IL20RB: variants seen among roughly 807,000 people sequenced by gnomAD.
The protein encoded by IL20RB is interleukin-20 receptor subunit beta.
A neutral mutation model predicts 33.3 loss-of-function variants in IL20RB; 21 were observed. The observed-to-expected ratio is 0.63, with a 90% CI of 0.45 to 0.91. The LOEUF is 0.91. IL20RB is among the 40% of genes least tolerant of loss of function. The pLI is 0.00. For synonymous variants in IL20RB, 147 were observed against 146.8 expected (o/e 1.00, Z -0.01); for missense variants, 345 against 384.8 (o/e 0.90, Z 0.86).
rs372326423 is a variant in IL20RB at position 137,010,236 on chromosome 3, G to T, written c.*13G>T. The T allele has an allele frequency of 2.7e-4, 357 of 1,308,558 alleles. 6 individuals are homozygous for T. In the South Asian group the frequency reaches 4.1e-3, roughly 15 times the overall value. The allele number at this position is 1,308,558 out of a possible 1,614,324, so 81.1% of individuals were successfully genotyped here. On this transcript the variant is annotated 3_prime_UTR_variant, in exon 7 of 7. Transcript: ENST00000329582. ...CTGGATCTCATAGGTTTGCGGAAGG[G>T]CCCAGGTGAAGCCGAGAACCTGGTC... is the stretch of plus-strand genomic sequence containing the variant.
chr3:136,980,536 G>A lies in IL20RB; in HGVS notation c.159G>A (p.Met53Ile), dbSNP rs1941744391. ...CAACCAACATGAAGCATCTCTTGAT[G>A]TGGAGCCCAGTGATCGCGCCTGGAG... ...VLSTNMKHLLMWSPVIAPGET... is the reference protein window; with the variant it reads ...VLSTNMKHLLIWSPVIAPGET... The change falls in exon 2 of 7, where the codon ATG becomes ATA. Residue 53 changes from methionine (M) to isoleucine (I), a missense_variant. By Grantham distance (10) the Met-to-Ile change is conservative. Transcript: ENST00000329582. 3.1e-6 allele frequency: 5 copies of A among 1,614,206 alleles called. No individual in the cohort carries two copies. The highest frequency in any genetic ancestry group is 4.2e-6 in the Non-Finnish European group (5 of 1,180,040).
chr3:136,969,661 G>A (rs1217723086), intron 1 of IL20RB, among the ~76,000 whole-genome samples: 5 of 151,874 alleles, frequency 3.3e-5, no homozygotes, highest in Non-Finnish European at 2.9e-5. Context: ...CGTCTTCTGC[G>A]TCGCTCACGC....
chr3:137,010,229 C>G lies in IL20RB; in HGVS notation c.*6C>G. 7.3e-7 allele frequency: 1 copy of G among 1,378,264 alleles called. No individual in the cohort carries two copies. The highest frequency in any genetic ancestry group is 1.2e-5 in the South Asian group (1 of 86,184). The allele number at this position is 1,378,264 out of a possible 1,614,324, so 85.4% of individuals were successfully genotyped here. ...TCAGGGCCTGGATCTCATAGGTTTG[C>G]GGAAGGGCCCAGGTGAAGCCGAGAA... On this transcript the variant is annotated 3_prime_UTR_variant, in exon 7 of 7. Coordinates refer to ENST00000329582, the MANE Select transcript of IL20RB (RefSeq NM_144717.4).
intron 6 of IL20RB, among the ~76,000 whole-genome samples, chr3:137,006,717 C>A (rs1412001702): frequency 6.6e-6 from 1 of 152,180 alleles, no homozygotes; most frequent in South Asian, 2.1e-4. Flanking sequence ...GTTCCAACAT[C>A]CTCCTTTAGC....
intron 1 of IL20RB, among the ~76,000 whole-genome samples, chr3:136,976,860 C>T (rs1941630846): frequency 6.6e-6 from 1 of 152,162 alleles, no homozygotes. Flanking sequence ...AATTTTGTCC[C>T]CCAATCTACT....
At chr3:136,978,864 G>A (rs1158456030) in intron 1 of IL20RB, among the ~76,000 whole-genome samples, 1 of 152,062 alleles carries the variant, frequency 6.6e-6, no homozygotes, top group African/African-American at 2.4e-5. Flanking sequence ...ATCTTTAAAT[G>A]TTTGGTAGAA....
At chr3:137,006,236 A>G (rs1942347384) in intron 6 of IL20RB, among the ~76,000 whole-genome samples, 1 of 133,126 alleles carries the variant, frequency 7.5e-6, no homozygotes, top group Non-Finnish European at 1.8e-5. Context: ...TCTGACAATT[A>G]TGTGTCTTGG....
intron 1 of IL20RB, among the ~76,000 whole-genome samples, chr3:136,967,404 G>T (rs1941381152): frequency 1.7e-5 from 1 of 59,530 alleles, no homozygotes; most frequent in East Asian, 6.7e-4. Flanking sequence ...TAAATATTTA[G>T]GATAGTTAGC....
chr3:136,962,174 T>G (rs796116359), intron 1 of IL20RB, among the ~76,000 whole-genome samples: 43 of 152,174 alleles, frequency 2.8e-4, no homozygotes, highest in African/African-American at 9.6e-4. Flanking sequence ...ATGTTAAAAT[T>G]AATAGGTGAA....
At chr3:136,980,706 C>A in intron 2 of IL20RB, 114 bp downstream of exon 2, 1 of 1,015,440 alleles carries the variant, frequency 9.8e-7, no homozygotes, top group Non-Finnish European at 1.5e-6. Flanking sequence ...AGATTATCCC[C>A]AAAGATCTAC....
chr3:136,996,207 G>A (rs1258891447), intron 6 of IL20RB, among the ~76,000 whole-genome samples: 2 of 152,034 alleles, frequency 1.3e-5, no homozygotes, highest in Non-Finnish European at 2.9e-5. Flanking sequence ...TAGGACCCAT[G>A]CACCCATGCA....
At chr3:136,962,373 G>T (rs759784866) in intron 1 of IL20RB, among the ~76,000 whole-genome samples, 1 of 152,158 alleles carries the variant, frequency 6.6e-6, no homozygotes, top group African/African-American at 2.4e-5. Flanking sequence ...TGGAAAAAAT[G>T]TGTAACCTCA....
Position 137,010,400 on chromosome 3 carries a change from C to T in IL20RB, c.*177C>T. The T allele has an allele frequency of 1.8e-6, 1 of 556,468 alleles. No individual in the cohort carries two copies. Among genetic ancestry groups the T allele is most frequent in the South Asian group, 2.4e-5 (1 of 40,914 alleles). The allele number at this position is 556,468 out of a possible 1,614,324, so 34.5% of individuals were successfully genotyped here. Reference sequence around the variant, plus strand: ...AGGCAGGGTGGTTTGTCTAACAGAACACTGACTGAGGCTTAGGGGATGTGA... The same window carrying T: ...AGGCAGGGTGGTTTGTCTAACAGAATACTGACTGAGGCTTAGGGGATGTGA... On this transcript the variant is annotated 3_prime_UTR_variant, in exon 7 of 7. Transcript: ENST00000329582.
At chr3:136,980,416 T>G (rs780787132) in intron 1 of IL20RB, 50 bp from the exon 2 acceptor site, 1 of 1,613,130 alleles carries the variant, frequency 6.2e-7, no homozygotes, top group East Asian at 2.2e-5. Flanking sequence ...GCTATGGCAT[T>G]CCCCCACTAT....
intron 3 of IL20RB, 64 bp downstream of exon 3, chr3:136,982,414 C>A: frequency 8.3e-7 from 1 of 1,197,634 alleles, no homozygotes; most frequent in Non-Finnish European, 1.2e-6. Flanking sequence ...CCATGTTCAC[C>A]TAAACTTTCT....
chr3:137,010,190 T>C lies in IL20RB; in HGVS notation c.903T>C (p.Ser301=). Residue 301 remains serine, a synonymous_variant, in exon 7 of 7, where the codon TCT becomes TCC. Transcript: ENST00000329582. ...EVDACATAVM[S]PEELLRAWIS ...ATGCCTGTGCCACGGCTGTGATGTCTCCTGAGGAACTCCTCAGGGCCTGGA... is the reference window on the plus strand; with the variant it reads ...ATGCCTGTGCCACGGCTGTGATGTCCCCTGAGGAACTCCTCAGGGCCTGGA... 6.3e-7 allele frequency: 1 copy of C among 1,596,542 alleles called. No individual in the cohort carries two copies. Among genetic ancestry groups the C allele is most frequent in the Non-Finnish European group, 8.6e-7 (1 of 1,163,984 alleles).
chr3:136,961,910 T>G (rs555796733), intron 1 of IL20RB, among the ~76,000 whole-genome samples: 1 of 152,238 alleles, frequency 6.6e-6, no homozygotes, highest in Admixed American at 6.5e-5. Flanking sequence ...TGGGAACAAG[T>G]TAAAAGGGCA....
At chr3:136,971,519 A>T (rs1184344363) in intron 1 of IL20RB, among the ~76,000 whole-genome samples, 1 of 152,192 alleles carries the variant, frequency 6.6e-6, no homozygotes, top group Admixed American at 6.5e-5. Context: ...AGTTTCTGTT[A>T]TCTGTCTTTT....
At chr3:136,986,432 A>G (rs896846472) in intron 3 of IL20RB, among the ~76,000 whole-genome samples, 2 of 152,162 alleles carry the variant, frequency 1.3e-5, no homozygotes, top group African/African-American at 4.8e-5. Flanking sequence ...GATGGAGATC[A>G]GAAGACCCAA....
Sources: allele counts gnomAD v4.1 joint callset (sites outside exome capture counted in the v4.1 genomes callset), GRCh38; gene constraint gnomAD v4.1.1; transcripts MANE v1.5; gene names NCBI Gene and HGNC (gene_info 2026-07-23, HGNC 2026-07-21).